Variants in PHYHIPL observed in about 807,000 individuals in gnomAD.
PHYHIPL encodes phytanoyl-CoA 2-hydroxylase interacting protein like.
Under a neutral mutation model 33.4 loss-of-function variants are expected in PHYHIPL, and 9 were observed. The observed-to-expected ratio is 0.27, with a 90% CI of 0.16 to 0.47. The LOEUF is 0.47. PHYHIPL is among the 20% of genes least tolerant of loss of function. The pLI is 0.99. For missense variants in PHYHIPL, 365 were observed against 460.7 expected (o/e 0.79, Z 1.90); for synonymous variants, 153 against 154.1 (o/e 0.99, Z 0.05).
Position 59,247,002 on chromosome 10 carries a change from C to T in PHYHIPL, c.*1411C>T. The T allele has an allele frequency of 5.4e-6, 1 of 183,512 alleles. No homozygotes were observed. Among genetic ancestry groups the T allele is most frequent in the Non-Finnish European group, 1.1e-5 (1 of 90,020 alleles). 11.4% of individuals were successfully genotyped at this position (183,512 alleles called of 1,614,324 possible). A position where few individuals can be genotyped will look rare whatever the true frequency, so the allele number is the denominator to read the frequency against. On this transcript the variant is annotated 3_prime_UTR_variant, in exon 5 of 5. Coordinates refer to ENST00000373880, the MANE Select transcript of PHYHIPL (RefSeq NM_032439.4). ...TTTGGTAACCAGAAATGTAAAATTT[C>T]AAATAACGGATAAAATAATGTGTTA...
upstream of PHYHIPL, among the ~76,000 whole-genome samples, chr10:59,173,938 T>TG (rs1838208620): frequency 5.7e-5 from 6 of 105,666 alleles, no homozygotes; most frequent in South Asian, 1.8e-3. Context: ...TTTTTTTTTT[T>TG]TTTTTTTTTT....
chr10:59,183,859 C>A (rs1410315830), intron 1 of PHYHIPL, among the ~76,000 whole-genome samples: 1 of 152,070 alleles, frequency 6.6e-6, no homozygotes, highest in Non-Finnish European at 1.5e-5. Context: ...TTTTCTATAG[C>A]CTGTGGGAAT....
chr10:59,238,424 A>G (rs574302415), intron 3 of PHYHIPL, among the ~76,000 whole-genome samples, 164 bp from the exon 4 acceptor site: 1 of 152,006 alleles, frequency 6.6e-6, no homozygotes, highest in African/African-American at 2.4e-5. Context: ...TAGGAAGAAA[A>G]ATGTGCCACA....
At position 59,238,640 on chromosome 10, in the gene PHYHIPL, A is replaced by T. The variant is rs764861187; in HGVS notation, c.531A>T (p.Ala177=). The part of the protein sequence containing the change: ...TQLLEKAEVI[A]GRMLKFSVFY... ...TGTTGGAGAAGGCTGAAGTGATTGC[A>T]GGACGCATGCTTAAGTTTTCTGTTT... is the stretch of plus-strand genomic sequence containing the variant. The change falls in exon 4 of 5, where the codon GCA becomes GCT. Residue 177 remains alanine, a synonymous_variant. Coordinates refer to ENST00000373880, the MANE Select transcript of PHYHIPL (RefSeq NM_032439.4). 1.9e-5 allele frequency: 30 copies of T among 1,611,318 alleles called. No homozygotes were observed. The highest frequency in any genetic ancestry group is 2.3e-5 in the Non-Finnish European group (27 of 1,178,008).
chr10:59,202,285 G>A (rs766854505), intron 1 of PHYHIPL, among the ~76,000 whole-genome samples: 37 of 151,904 alleles, frequency 2.4e-4, no homozygotes, highest in Non-Finnish European at 4.1e-4. Context: ...ATCCCCCACC[G>A]TTATGCATAT....
chr10:59,205,319 G>T (rs1839255742), intron 1 of PHYHIPL, among the ~76,000 whole-genome samples: 1 of 151,974 alleles, frequency 6.6e-6, no homozygotes, highest in Non-Finnish European at 1.5e-5. Flanking sequence ...GATTATGTGT[G>T]GGTTGGCCAT....
At chr10:59,216,337 A>G (rs59468146) in intron 1 of PHYHIPL, among the ~76,000 whole-genome samples, 3,245 of 152,200 alleles carry the variant, frequency 0.021, 133 homozygotes, top group African/African-American at 0.074. Flanking sequence ...GAAAGACAGC[A>G]CTGGTCAGGA....
chr10:59,209,008 A>G (rs1839367758), intron 1 of PHYHIPL, among the ~76,000 whole-genome samples: 1 of 152,182 alleles, frequency 6.6e-6, no homozygotes, highest in African/African-American at 2.4e-5. Context: ...ACTCTTCAGG[A>G]TATTATCCAT....
intron 3 of PHYHIPL, 151 bp downstream of exon 3, chr10:59,236,808 A>C: frequency 1.7e-6 from 1 of 582,716 alleles, no homozygotes; most frequent in Non-Finnish European, 2.7e-6. Flanking sequence ...AGAATAAACA[A>C]TGTTGTATTG....
At chr10:59,245,017 A>G in intron 4 of PHYHIPL, 40 bp from the exon 5 acceptor site, 7 of 1,552,008 alleles carry the variant, frequency 4.5e-6, no homozygotes, top group Non-Finnish European at 6.1e-6. Context: ...TGGGTTTACC[A>G]CTATTGTATT....
At chr10:59,206,022 T>C (rs1839274216) in intron 1 of PHYHIPL, among the ~76,000 whole-genome samples, 1 of 152,228 alleles carries the variant, frequency 6.6e-6, no homozygotes. Context: ...CCTAGTACAT[T>C]AATTCTAGTA....
chr10:59,205,103 C>T (rs559212145), intron 1 of PHYHIPL, among the ~76,000 whole-genome samples: 1 of 152,300 alleles, frequency 6.6e-6, no homozygotes, highest in African/African-American at 2.4e-5. Context: ...GATCTGCCTG[C>T]CTTGGCCTCC....
intron 1 of PHYHIPL, among the ~76,000 whole-genome samples, chr10:59,202,324 C>T (rs2133220692): frequency 6.6e-6 from 1 of 152,032 alleles, no homozygotes; most frequent in South Asian, 2.1e-4. Context: ...ACATGTACCC[C>T]AGAATCTAAA....
intron 4 of PHYHIPL, among the ~76,000 whole-genome samples, chr10:59,243,825 C>G (rs1589303159): frequency 1.3e-5 from 2 of 152,006 alleles, no homozygotes; most frequent in Non-Finnish European, 2.9e-5. Context: ...ACAAAACTAC[C>G]CCTTCATAGA....
intron 1 of PHYHIPL, among the ~76,000 whole-genome samples, chr10:59,218,167 C>A (rs190651646): frequency 3.2e-4 from 48 of 152,096 alleles, no homozygotes; most frequent in Non-Finnish European, 6.3e-4. Flanking sequence ...AGGGCTGGAT[C>A]CAGGTTGTAT....
intron 1 of PHYHIPL, among the ~76,000 whole-genome samples, chr10:59,209,503 T>G (rs4508155): frequency 6.6e-6 from 1 of 151,890 alleles, no homozygotes; most frequent in Non-Finnish European, 1.5e-5. Flanking sequence ...ATCGATGCTA[T>G]GAAGAAACTG....
chr10:59,185,566 T>C (rs1589258018), intron 1 of PHYHIPL, among the ~76,000 whole-genome samples: 1 of 152,172 alleles, frequency 6.6e-6, no homozygotes, highest in East Asian at 1.9e-4. Context: ...GTTGAACTAG[T>C]TTACAGTCCC....
chr10:59,180,313 A>AGTATGTGTGTGT (rs1405828383), intron 1 of PHYHIPL, among the ~76,000 whole-genome samples: 2 of 50,582 alleles, frequency 4.0e-5, no homozygotes, highest in African/African-American at 1.9e-4. Flanking sequence ...ATATAGAAAA[A>AGTATGTGTGTGT]GTATATATAT....
At chr10:59,193,303 G>T (rs1201332925) in intron 1 of PHYHIPL, among the ~76,000 whole-genome samples, 1 of 152,114 alleles carries the variant, frequency 6.6e-6, no homozygotes, top group Non-Finnish European at 1.5e-5. Context: ...TATTTTGACT[G>T]ACAAGAGAAC....
Sources: allele counts gnomAD v4.1 joint callset (sites outside exome capture counted in the v4.1 genomes callset), GRCh38; gene constraint gnomAD v4.1.1; transcripts MANE v1.5; gene names NCBI Gene and HGNC (gene_info 2026-07-23, HGNC 2026-07-21).